Variants in SND1 observed in about 807,000 individuals in gnomAD.
SND1 encodes the protein staphylococcal nuclease and tudor domain containing 1.
SND1 carries 38 observed loss-of-function variants against 121.7 expected under a neutral mutation model. The ratio of observed to expected loss-of-function variants is 0.31; its 90% confidence interval spans 0.24 to 0.41. The LOEUF is 0.41. SND1 is among the 10% of genes least tolerant of loss of function. The pLI is 1.00. For synonymous variants in SND1, 401 were observed against 447.4 expected (o/e 0.90, Z 1.31); for missense variants, 868 against 1,184.6 (o/e 0.73, Z 3.92).
intron 10 of SND1, among the ~76,000 whole-genome samples, chr7:127,738,108 G>A (rs765169244): frequency 6.6e-6 from 1 of 152,118 alleles, no homozygotes; most frequent in Non-Finnish European, 1.5e-5. Flanking sequence ...CCTCTAGAGT[G>A]TTCACATGTT....
intron 10 of SND1, among the ~76,000 whole-genome samples, chr7:127,788,671 G>A (rs913448588): frequency 1.3e-5 from 2 of 152,100 alleles, no homozygotes; most frequent in South Asian, 2.1e-4. Context: ...TTCAGAAATC[G>A]CTTTGAATGT....
intron 10 of SND1, among the ~76,000 whole-genome samples, chr7:127,729,729 C>T (rs1796641385): frequency 6.6e-6 from 1 of 152,120 alleles, no homozygotes; most frequent in African/African-American, 2.4e-5. Context: ...GGTCGGTCAC[C>T]AGGTAGACTT....
At chr7:127,977,168 C>G (rs1802140588) in intron 15 of SND1, among the ~76,000 whole-genome samples, 1 of 152,330 alleles carries the variant, frequency 6.6e-6, no homozygotes, top group African/African-American at 2.4e-5. Context: ...CTGTTGCACA[C>G]TCCACCACCC....
At chr7:127,785,075 A>G (rs1431849112) in intron 10 of SND1, among the ~76,000 whole-genome samples, 2 of 152,164 alleles carry the variant, frequency 1.3e-5, no homozygotes, top group Non-Finnish European at 2.9e-5. Context: ...GGGACACAGC[A>G]CCACACCTTT....
At chr7:127,817,941 A>G (rs1181045310) in intron 11 of SND1, among the ~76,000 whole-genome samples, 1 of 151,952 alleles carries the variant, frequency 6.6e-6, no homozygotes, top group Non-Finnish European at 1.5e-5. Flanking sequence ...TGTGCTTGAC[A>G]TTGACAATGA....
intron 14 of SND1, among the ~76,000 whole-genome samples, chr7:127,921,124 T>A (rs1008914800): frequency 6.6e-6 from 1 of 152,216 alleles, no homozygotes; most frequent in Non-Finnish European, 1.5e-5. Flanking sequence ...TCACATGATT[T>A]TATTTCAAGG....
At chr7:127,719,828 T>C (rs1034628882) in intron 9 of SND1, among the ~76,000 whole-genome samples, 4 of 152,178 alleles carry the variant, frequency 2.6e-5, no homozygotes, top group Non-Finnish European at 5.9e-5. Context: ...TAGTAAACCT[T>C]CTATGGACTT....
intron 16 of SND1, chr7:127,998,472 C>A (rs1232368075): frequency 6.4e-6 from 1 of 155,716 alleles, no homozygotes; most frequent in Non-Finnish European, 1.4e-5. Flanking sequence ...TGAACATAGT[C>A]TGCAAATCTC....
intron 9 of SND1, among the ~76,000 whole-genome samples, 166 bp downstream of exon 9, chr7:127,707,813 T>TGTGTGTG (rs1796228407): frequency 3.3e-5 from 3 of 91,704 alleles, no homozygotes; most frequent in Admixed American, 1.0e-4. Flanking sequence ...GTGTGTGTGT[T>TGTGTGTG]TATTGTAGGG....
intron 1 of SND1, among the ~76,000 whole-genome samples, chr7:127,684,370 G>A (rs1000798387): frequency 1.6e-4 from 24 of 152,226 alleles, no homozygotes; most frequent in African/African-American, 5.8e-4. Flanking sequence ...TGGTTTGTGT[G>A]CTGTATGTAG....
chr7:127,754,840 T>C (rs1284814959), intron 10 of SND1, among the ~76,000 whole-genome samples: 1 of 152,386 alleles, frequency 6.6e-6, no homozygotes, highest in South Asian at 2.1e-4. Flanking sequence ...AAAACAACTT[T>C]TGGCTTGCAA....
intron 11 of SND1, among the ~76,000 whole-genome samples, chr7:127,814,200 C>G (rs1350052623): frequency 6.6e-6 from 1 of 152,172 alleles, no homozygotes; most frequent in Non-Finnish European, 1.5e-5. Context: ...TCTGAAATGT[C>G]GTCCTTGGGG....
intron 12 of SND1, among the ~76,000 whole-genome samples, chr7:127,881,327 T>A (rs923163076): frequency 2.6e-5 from 4 of 152,150 alleles, no homozygotes; most frequent in Admixed American, 6.6e-5. Context: ...CACATTAAAA[T>A]TAAATTTTTT....
chr7:127,738,006 G>C (rs574124193), intron 10 of SND1, among the ~76,000 whole-genome samples: 1 of 152,194 alleles, frequency 6.6e-6, no homozygotes, highest in Non-Finnish European at 1.5e-5. Flanking sequence ...TGCCTGGAAA[G>C]CATAGAGAAT....
chr7:127,738,704 CT>C (rs1468469752), intron 10 of SND1, among the ~76,000 whole-genome samples: 1 of 152,186 alleles, frequency 6.6e-6, no homozygotes, highest in Admixed American at 6.5e-5. Context: ...TCTTAACTCT[CT>C]TCCTCTCAGA....
intron 10 of SND1, among the ~76,000 whole-genome samples, chr7:127,728,240 G>A (rs960085847): frequency 4.6e-5 from 7 of 151,562 alleles, no homozygotes; most frequent in African/African-American, 1.7e-4. Flanking sequence ...AATTTTTTGG[G>A]ATTTTAACAA....
chr7:127,972,561 C>A (rs1412587986), intron 15 of SND1, among the ~76,000 whole-genome samples: 1 of 148,076 alleles, frequency 6.8e-6, no homozygotes, highest in Non-Finnish European at 1.5e-5. Context: ...CTGGCCCTAT[C>A]TTTGAACTTC....
chr7:128,069,409 A>C (rs967233903), intron 16 of SND1, among the ~76,000 whole-genome samples: 5 of 152,200 alleles, frequency 3.3e-5, no homozygotes, highest in African/African-American at 1.2e-4. Flanking sequence ...TTTACCATTA[A>C]GGAAACAGTC....
chr7:127,802,210 G>A lies in SND1; in HGVS notation c.1153-5274G>A, dbSNP rs142510153. Among the ~76,000 whole-genome samples, 532 of 152,288 alleles carry A rather than the reference G, an allele frequency of 3.5e-3. 2 individuals are homozygous for A. Among genetic ancestry groups the A allele is most frequent in the African/African-American group, 0.012 (487 of 41,550 alleles). On this transcript the variant is annotated intron_variant, in intron 10 of 23. Coordinates refer to ENST00000354725, the MANE Select transcript of SND1 (RefSeq NM_014390.4). ...CCTACTGTTGACCAGAACAGGAGAG[G>A]TTGGTCTTGCTGTCACAGGAATGGC...
Sources: gnomAD v4.1 joint callset for allele counts (sites outside exome capture counted in the v4.1 genomes callset) on GRCh38, gnomAD v4.1.1 for gene constraint, MANE v1.5 for transcripts, NCBI Gene and HGNC (gene_info 2026-07-23, HGNC 2026-07-21) for gene names.